DNAI4: variants seen among roughly 807,000 people sequenced by gnomAD.
The protein encoded by DNAI4 is WD repeat domain 78.
Under a neutral mutation model 105.8 loss-of-function variants are expected in DNAI4, and 85 were observed. The ratio of observed to expected loss-of-function variants is 0.80; its 90% CI spans 0.67 to 0.96. The LOEUF is 0.96. Ranked by LOEUF, DNAI4 falls within the 40% of genes least tolerant of loss-of-function variation. DNAI4 has a pLI of 0.00. For synonymous variants in DNAI4, 352 were observed against 331.5 expected, an observed-to-expected ratio of 1.06 and a Z score of -0.67; for missense variants, 1,014 against 1,005.6, an observed-to-expected ratio of 1.01 and a Z score of -0.11.
chr1:66,848,311 G>A (rs1410033039), intron 7 of DNAI4: 2 of 454,788 alleles, frequency 4.4e-6, no homozygotes, highest in Admixed American at 2.4e-5. Flanking sequence ...CCAGACCACA[G>A]CTGGAAAAGA....
In DNAI4 at chr1:66,891,263, T is replaced by C. The variant is rs1010685948; in HGVS notation, c.534A>G (p.Ser178=). 2 of 1,609,422 alleles carry C rather than the reference T, an allele frequency of 1.2e-6. No homozygotes were observed. Among genetic ancestry groups the C allele is most frequent in the African/African-American group, 2.7e-5 (2 of 74,894 alleles). Residue 178 remains serine, a synonymous_variant, in exon 4 of 17, where the codon TCA becomes TCG. Coordinates refer to ENST00000371026, the MANE Select transcript of DNAI4 (RefSeq NM_024763.5). ...TAGAAACTGTACTGCTTCCTAAAACTGACCTTTAATAATGAATAACAAAAT... is the reference window on the plus strand; with the variant it reads ...TAGAAACTGTACTGCTTCCTAAAACCGACCTTTAATAATGAATAACAAAAT... ...NPSTLGQFTR[S]VLGSSTVSKS...
intron 1 of DNAI4, chr1:66,919,197 C>G (rs1650284585): frequency 2.6e-6 from 1 of 382,716 alleles, no homozygotes; most frequent in East Asian, 8.0e-5. Context: ...ATCACGGGTA[C>G]ACATCCTGAA....
intron 8 of DNAI4, among the ~76,000 whole-genome samples, chr1:66,842,748 T>C (rs1241472508): frequency 6.6e-6 from 1 of 152,158 alleles, no homozygotes; most frequent in Non-Finnish European, 1.5e-5. Flanking sequence ...CCAAAGTGGA[T>C]ATACCATTGT....
intron 16 of DNAI4, among the ~76,000 whole-genome samples, chr1:66,814,437 C>T (rs373788222): frequency 1.1e-4 from 17 of 152,020 alleles, no homozygotes; most frequent in African/African-American, 2.4e-4. Context: ...GGTGCAATCT[C>T]GGCTCACTGT....
At position 66,909,486 on chromosome 1, in the gene DNAI4, T is replaced by C. The variant is rs549861850; in HGVS notation, c.171-4111A>G. 5.3e-5 allele frequency among the ~76,000 whole-genome samples: 8 copies of C among 151,170 alleles called. No individual in the cohort carries two copies. In the East Asian group the frequency reaches 1.5e-3, roughly 29 times the overall value. On this transcript the variant is annotated intron_variant, in intron 1 of 16. Coordinates refer to ENST00000371026, the MANE Select transcript of DNAI4 (RefSeq NM_024763.5). ...TTTGACCCAGCTGTTTATTCTTTTC[T>C]CTTTTTTTTTTTTTAACTTGGATCG...
chr1:66,855,289 A>G (rs1214107436), intron 7 of DNAI4, among the ~76,000 whole-genome samples: 1 of 152,170 alleles, frequency 6.6e-6, no homozygotes, highest in African/African-American at 2.4e-5. Flanking sequence ...TGTTTTCCCC[A>G]TCACTCTCTC....
At chr1:66,880,433 C>G (rs1466320348) in intron 4 of DNAI4, among the ~76,000 whole-genome samples, 1 of 152,170 alleles carries the variant, frequency 6.6e-6, no homozygotes, top group Non-Finnish European at 1.5e-5. Context: ...ACGGACAATA[C>G]AGTCTAGGCT....
At position 66,880,522 on chromosome 1, in the gene DNAI4, G is replaced by A. The variant is rs1015562961; in HGVS notation, c.644-5585C>T. On this transcript the variant is annotated intron_variant, in intron 4 of 16. Coordinates refer to ENST00000371026, the MANE Select transcript of DNAI4 (RefSeq NM_024763.5). ...CTCTTGTTTTAGCAAAAAGAGTGGTGACATTTTGCCTCTGCCTTAGAGATT... is the reference window on the plus strand; with the variant it reads ...CTCTTGTTTTAGCAAAAAGAGTGGTAACATTTTGCCTCTGCCTTAGAGATT... Among the ~76,000 whole-genome samples, 59 of 152,282 alleles carry A rather than the reference G, an allele frequency of 3.9e-4. 1 individual carries two copies. The highest frequency in any genetic ancestry group is 1.3e-3 in the African/African-American group (52 of 41,566).
Position 66,814,142 on chromosome 1 carries a change from G to T in DNAI4, c.2535C>A (p.Asn845Lys). Residue 845 changes from asparagine to lysine, a missense_variant, in exon 17 of 17, where the codon AAC (asparagine) becomes AAA (lysine). Transcript: ENST00000371026. ...TAGGAATGATGAATTATGCTGATTG[G>T]TTTGACTTGGATCCAAGCAAAGTAT... ...IMDTLLGSKS[N>K]QSA 1.9e-6 allele frequency: 3 copies of T among 1,589,920 alleles called. No homozygotes were observed. The highest frequency in any genetic ancestry group is 2.5e-6 in the Non-Finnish European group (3 of 1,176,612).
At chr1:66,847,705 A>T (rs1646308104) in intron 7 of DNAI4, 27 bp from the exon 8 acceptor site, 1 of 1,496,376 alleles carries the variant, frequency 6.7e-7, no homozygotes, top group Non-Finnish European at 9.1e-7. Context: ...TGATACAATG[A>T]TAAAATATTC....
intron 4 of DNAI4, among the ~76,000 whole-genome samples, chr1:66,877,959 T>A (rs922546565): frequency 3.3e-5 from 5 of 152,188 alleles, no homozygotes; most frequent in Non-Finnish European, 7.4e-5. Context: ...ATTGATGGTG[T>A]TAATCTTGGC....
intron 6 of DNAI4, among the ~76,000 whole-genome samples, chr1:66,869,177 T>C (rs1220219744): frequency 6.6e-6 from 1 of 151,670 alleles, no homozygotes; most frequent in Non-Finnish European, 1.5e-5. Flanking sequence ...CTAATACACA[T>C]GAATATTATA....
At chr1:66,892,983 AAGAAAGAAAGAAAGAGAGAAAGAGAG>A (rs1557964561) in intron 3 of DNAI4, among the ~76,000 whole-genome samples, 46 of 132,114 alleles carry the variant, frequency 3.5e-4, no homozygotes, top group African/African-American at 7.2e-4. Context: ...GAAAGAAAGA[AAGAAAGAAAGAAAGAGAGAAAGAGAG>A]AGAGGAAAGA....
intron 4 of DNAI4, among the ~76,000 whole-genome samples, chr1:66,884,442 A>G (rs1647149073): frequency 6.6e-6 from 1 of 152,220 alleles, no homozygotes; most frequent in African/African-American, 2.4e-5. Context: ...TCAACAGTGT[A>G]TAAGAGTTCC....
At chr1:66,863,396 T>C (rs534386193) in intron 6 of DNAI4, among the ~76,000 whole-genome samples, 1 of 152,246 alleles carries the variant, frequency 6.6e-6, no homozygotes, top group East Asian at 1.9e-4. Context: ...ATGGAGGAGC[T>C]CTAGTAAAGC....
rs775367699 is a variant in DNAI4, at chr1:66,822,345, T to G, written c.2496+16A>C. On this transcript the variant is annotated intron_variant, in intron 16 of 16. Transcript: ENST00000371026. ...ACTAATAAAATGACACAAATTTTTT[T>G]ACTCTTGAGTCTTACCCGGCCAGTT... 1 of 1,580,578 alleles carries G rather than the reference T, an allele frequency of 6.3e-7. No homozygotes were observed. The highest frequency in any genetic ancestry group is 8.6e-7 in the Non-Finnish European group (1 of 1,167,024).
intron 1 of DNAI4, among the ~76,000 whole-genome samples, chr1:66,916,369 T>G (rs1481325854): frequency 6.6e-6 from 1 of 152,196 alleles, no homozygotes; most frequent in Non-Finnish European, 1.5e-5. Flanking sequence ...AAAGTACTTG[T>G]GACATTAAGT....
intron 4 of DNAI4, among the ~76,000 whole-genome samples, chr1:66,883,655 C>CT (rs1361398257): frequency 1.3e-5 from 2 of 151,942 alleles, no homozygotes; most frequent in Admixed American, 6.6e-5. Context: ...TTTAAAATAT[C>CT]TTTTTTAGGA....
intron 13 of DNAI4, among the ~76,000 whole-genome samples, chr1:66,829,367 T>C (rs1645820838): frequency 6.6e-6 from 1 of 151,952 alleles, no homozygotes; most frequent in African/African-American, 2.4e-5. Context: ...AGAAAAAGCA[T>C]AAAAAATGAC....
Sources: allele counts gnomAD v4.1 joint callset (sites outside exome capture counted in the v4.1 genomes callset), GRCh38; gene constraint gnomAD v4.1.1; transcripts MANE v1.5; gene names NCBI Gene and HGNC (gene_info 2026-07-23, HGNC 2026-07-21).